Variants in CIAO2A observed in about 807,000 individuals in gnomAD.
CIAO2A encodes the protein cytosolic iron-sulfur assembly component 2A.
CIAO2A carries 17 observed loss-of-function variants against 22.4 expected under a neutral mutation model. The ratio of observed to expected loss-of-function variants is 0.76; its 90% CI spans 0.52 to 1.14. CIAO2A has a LOEUF of 1.14. CIAO2A is among the 50% of genes most tolerant of loss of function. The pLI, the probability that CIAO2A is intolerant of heterozygous loss-of-function variation, is 0.00. For synonymous variants in CIAO2A, 74 were observed against 72.3 expected, an observed-to-expected ratio of 1.02 and a Z score of -0.12; for missense variants, 192 against 191.4, an observed-to-expected ratio of 1.00 and a Z score of -0.02.
intron 3 of CIAO2A, 69 bp downstream of exon 3, chr15:64,081,033 G>A (rs2080755567): frequency 7.0e-7 from 1 of 1,420,334 alleles, no homozygotes; most frequent in Non-Finnish European, 9.8e-7. Context: ...TGAATTGTGT[G>A]GTATGTGAAT....
At chr15:64,075,210 G>A (rs1448056460) in intron 4 of CIAO2A, 1 of 245,490 alleles carries the variant, frequency 4.1e-6, no homozygotes, top group African/African-American at 2.3e-5. Flanking sequence ...AGCCTACTTA[G>A]AGCTCATAAG....
intron 2 of CIAO2A, among the ~76,000 whole-genome samples, chr15:64,084,852 G>A (rs918935517): frequency 1.3e-5 from 2 of 152,052 alleles, no homozygotes; most frequent in Non-Finnish European, 2.9e-5. Context: ...CAGCACTTTG[G>A]TAGGCCAAAG....
intron 1 of CIAO2A, among the ~76,000 whole-genome samples, chr15:64,089,958 G>T (rs1371503038): frequency 1.3e-5 from 2 of 152,202 alleles, no homozygotes; most frequent in Non-Finnish European, 2.9e-5. Context: ...GTTTAAAACA[G>T]CATCAAAGCT....
At chr15:64,083,952 T>A (rs543995965) in intron 2 of CIAO2A, among the ~76,000 whole-genome samples, 108 of 150,702 alleles carry the variant, frequency 7.2e-4, no homozygotes, top group Admixed American at 9.3e-4. Flanking sequence ...CAAAAAAAAA[T>A]AAAATAAAAT....
chr15:64,087,775 TAA>T (rs1264556661), intron 2 of CIAO2A, among the ~76,000 whole-genome samples: 4 of 152,196 alleles, frequency 2.6e-5, no homozygotes, highest in African/African-American at 9.6e-5. Flanking sequence ...TAAAAAGGTA[TAA>T]AGTCTCCCTC....
intron 2 of CIAO2A, among the ~76,000 whole-genome samples, chr15:64,087,734 G>A (rs546404136): frequency 3.3e-4 from 50 of 152,274 alleles, no homozygotes; most frequent in Non-Finnish European, 5.4e-4. Flanking sequence ...TAATAGGTGA[G>A]ATAGTCCCAT....
At chr15:64,081,479 G>C (rs2080758481) in intron 2 of CIAO2A, among the ~76,000 whole-genome samples, 1 of 151,426 alleles carries the variant, frequency 6.6e-6, no homozygotes, top group African/African-American at 2.4e-5. Flanking sequence ...GGAAAGCCCA[G>C]GCCATTTTTA....
chr15:64,078,036 C>G (rs2080731817), intron 3 of CIAO2A, among the ~76,000 whole-genome samples: 1 of 152,008 alleles, frequency 6.6e-6, no homozygotes, highest in Admixed American at 6.6e-5. Context: ...AATGATAAAC[C>G]AAATGTGGCA....
At chr15:64,073,105 C>A (rs2080686688) in intron 4 of CIAO2A, 77 bp from the exon 5 acceptor site, 6 of 944,268 alleles carry the variant, frequency 6.4e-6, no homozygotes, top group Admixed American at 4.4e-5. Context: ...TATTAGCCTG[C>A]TGAAACAAAA....
chr15:64,074,888 T>C (rs2080705253), intron 4 of CIAO2A: 1 of 152,204 alleles, frequency 6.6e-6, no homozygotes, highest in Admixed American at 6.5e-5. Context: ...GCCTTTTAAA[T>C]GTATTTCTCA....
At chr15:64,079,956 AT>A (rs1238366996) in intron 3 of CIAO2A, among the ~76,000 whole-genome samples, 2 of 152,234 alleles carry the variant, frequency 1.3e-5, no homozygotes, top group Non-Finnish European at 2.9e-5. Context: ...AACTCTTATA[AT>A]TCAATAATAA....
At chr15:64,081,038 G>C in intron 3 of CIAO2A, 64 bp downstream of exon 3, 6 of 1,484,828 alleles carry the variant, frequency 4.0e-6, no homozygotes, top group Non-Finnish European at 5.6e-6. Context: ...TGTGTGGTAT[G>C]TGAATTATAT....
At chr15:64,086,283 G>A (rs921755411) in intron 2 of CIAO2A, among the ~76,000 whole-genome samples, 1 of 151,700 alleles carries the variant, frequency 6.6e-6, no homozygotes, top group Non-Finnish European at 1.5e-5. Context: ...ATGGTGGCGG[G>A]CGCCTGTAAT....
intron 2 of CIAO2A, among the ~76,000 whole-genome samples, chr15:64,082,835 C>T (rs1028227404): frequency 3.9e-5 from 6 of 152,180 alleles, no homozygotes; most frequent in African/African-American, 1.4e-4. Flanking sequence ...AGTAGCTTCA[C>T]TACATACTCG....
At chr15:64,093,212 T>C (rs575582402) in intron 1 of CIAO2A, among the ~76,000 whole-genome samples, 1 of 152,294 alleles carries the variant, frequency 6.6e-6, no homozygotes, top group South Asian at 2.1e-4. Context: ...AACTCGACTG[T>C]CACCCACAAG....
At chr15:64,084,987 G>A (rs1220168881) in intron 2 of CIAO2A, among the ~76,000 whole-genome samples, 1 of 151,466 alleles carries the variant, frequency 6.6e-6, no homozygotes, top group Non-Finnish European at 1.5e-5. Flanking sequence ...TAGCTACTCG[G>A]GAGGCTGAAG....
chr15:64,084,823 T>C (rs981270870), intron 2 of CIAO2A, among the ~76,000 whole-genome samples: 1 of 151,202 alleles, frequency 6.6e-6, no homozygotes. Flanking sequence ...TCAGGCGCGG[T>C]GGCTCACACC....
chr15:64,075,336 T>C (rs2080708963), intron 4 of CIAO2A, 156 bp downstream of exon 4: 2 of 534,466 alleles, frequency 3.7e-6, no homozygotes, highest in East Asian at 3.4e-5. Flanking sequence ...TTCTTTGAAA[T>C]GCCTAGGTTT....
At chr15:64,089,840 T>C (rs1216806489) in intron 1 of CIAO2A, among the ~76,000 whole-genome samples, 2 of 152,028 alleles carry the variant, frequency 1.3e-5, no homozygotes, top group East Asian at 1.9e-4. Context: ...AGGAAGAAAT[T>C]TGGGTGGGGC....
Sources: allele counts gnomAD v4.1 joint callset (sites outside exome capture counted in the v4.1 genomes callset), GRCh38; gene constraint gnomAD v4.1.1; transcripts MANE v1.5; gene names NCBI Gene and HGNC (gene_info 2026-07-23, HGNC 2026-07-21).